The following WASF3 variants were observed in gnomAD, a reference collection of about 807,000 sequenced individuals.
The protein encoded by WASF3 is actin-binding protein WASF3.
In WASF3, 11 loss-of-function variants were observed where a neutral mutation model predicts 46.6. The ratio of observed to expected loss-of-function variants is 0.24; its 90% confidence interval spans 0.15 to 0.39. The LOEUF (loss-of-function observed/expected upper bound fraction) is 0.39, where lower values mean the gene tolerates loss of function less well. WASF3 is among the 10% of genes least tolerant of loss of function. The pLI is 1.00. For synonymous variants in WASF3, 242 were observed against 259.7 expected, an observed-to-expected ratio of 0.93 and a Z score of 0.65; for missense variants, 576 against 669.8, an observed-to-expected ratio of 0.86 and a Z score of 1.55.
At chr13:26,660,643 AAG>A (rs774091591) in intron 3 of WASF3, among the ~76,000 whole-genome samples, 11 of 151,620 alleles carry the variant, frequency 7.3e-5, no homozygotes, top group Non-Finnish European at 1.6e-4. Context: ...GGAGCAGGGG[AAG>A]AGGGAGGGTT....
rs146629471 is a variant in WASF3 at position 26,673,209 on chromosome 13, G to T, written c.540+1220G>T. Among the ~76,000 whole-genome samples the T allele has an allele frequency of 8.3e-3, 1,268 of 152,218 alleles. 16 individuals are homozygous for T. Among genetic ancestry groups the T allele is most frequent in the African/African-American group, 0.029 (1,215 of 41,520 alleles). ...GGCCTTCTAGGTTTCCTTTCTCAATGATGCTTTTGGCAAAACTGTTTAATT... is the reference window on the plus strand; with the variant it reads ...GGCCTTCTAGGTTTCCTTTCTCAATTATGCTTTTGGCAAAACTGTTTAATT... On this transcript the variant is annotated intron_variant, in intron 6 of 9. Transcript: ENST00000335327.
At chr13:26,583,478 C>T (rs569518161) in intron 1 of WASF3, among the ~76,000 whole-genome samples, 42 of 152,278 alleles carry the variant, frequency 2.8e-4, no homozygotes, top group African/African-American at 9.1e-4. Context: ...TTAGAGTAGG[C>T]AGAAGTGGGG....
intron 1 of WASF3, chr13:26,577,771 C>T (rs1226803878): frequency 3.1e-6 from 2 of 639,240 alleles, no homozygotes; most frequent in Admixed American, 2.9e-5. Flanking sequence ...AATCTGCAGA[C>T]CTTATTCAGA....
chr13:26,554,088 C>CTTTCT (rs1289008259), upstream of WASF3, among the ~76,000 whole-genome samples: 189 of 27,414 alleles, frequency 6.9e-3, 2 homozygotes, highest in East Asian at 0.014. Flanking sequence ...TCCTTCCTTC[C>CTTTCT]TTCCTTCCTT....
At chr13:26,608,061 C>G (rs1480208018) in intron 1 of WASF3, among the ~76,000 whole-genome samples, 1 of 127,168 alleles carries the variant, frequency 7.9e-6, no homozygotes, top group Non-Finnish European at 1.6e-5. Flanking sequence ...CCCCCTTAAA[C>G]TGTGTTGAAC....
chr13:26,617,669 T>A (rs1881176058), intron 2 of WASF3, among the ~76,000 whole-genome samples: 1 of 152,220 alleles, frequency 6.6e-6, no homozygotes, highest in African/African-American at 2.4e-5. Context: ...TCTCATTTTA[T>A]AAGAATTAAA....
At chr13:26,636,050 T>C (rs1001831816) in intron 2 of WASF3, among the ~76,000 whole-genome samples, 4 of 152,244 alleles carry the variant, frequency 2.6e-5, no homozygotes, top group Non-Finnish European at 5.9e-5. Flanking sequence ...TCAGAGCTGT[T>C]AGACAGGGAC....
intron 1 of WASF3, among the ~76,000 whole-genome samples, chr13:26,608,708 A>G (rs1880878674): frequency 6.6e-6 from 1 of 152,204 alleles, no homozygotes; most frequent in African/African-American, 2.4e-5. Context: ...ATCGAAGCTC[A>G]GGTAGTCAAC....
chr13:26,651,693 G>A lies in WASF3; in HGVS notation c.133+9290G>A, dbSNP rs73168059. On this transcript the variant is annotated intron_variant, in intron 3 of 9. Transcript: ENST00000335327. ...CAAGGAGTCCAGACAAAGTAAATAT[G>A]GGATTAAATAGAAAAGGTCATCAAT... 8.9e-3 allele frequency among the ~76,000 whole-genome samples: 1,358 copies of A among 152,250 alleles called. 10 individuals are homozygous for A. The highest frequency in any genetic ancestry group is 0.017 in the Middle Eastern group (5 of 294).
the WASF3 span, among the ~76,000 whole-genome samples, chr13:26,542,496 T>C: frequency 6.6e-6 from 1 of 152,232 alleles, no homozygotes; most frequent in Admixed American, 6.5e-5. Context: ...ACCTCCTACA[T>C]GTCTTGGCAA....
intron 1 of WASF3, among the ~76,000 whole-genome samples, chr13:26,562,637 C>T (rs940046764): frequency 1.3e-5 from 2 of 151,888 alleles, no homozygotes; most frequent in African/African-American, 4.8e-5. Context: ...AGTTAGCCCA[C>T]TAGATAGCGG....
intron 1 of WASF3, among the ~76,000 whole-genome samples, chr13:26,579,015 T>TTTTC (rs1164371601): frequency 6.8e-4 from 89 of 130,952 alleles, no homozygotes; most frequent in Non-Finnish European, 1.3e-3. Flanking sequence ...TTTTTTTTTT[T>TTTTC]TGTGGGTCAG....
rs769013808 is a variant in WASF3, at chr13:26,576,233, A to G, written c.-109+18414A>G. ...CTTTGTAAAATTTTCATTTGAATCT[A>G]TTATTCTCCCTTGGACATCTTAATT... On this transcript the variant is annotated intron_variant, in intron 1 of 9. Coordinates refer to ENST00000335327, the MANE Select transcript of WASF3 (RefSeq NM_006646.6). 6.6e-5 allele frequency among the ~76,000 whole-genome samples: 10 copies of G among 152,018 alleles called. No individual in the cohort carries two copies. In the South Asian group the frequency reaches 1.0e-3, roughly 16 times the overall value.
At chr13:26,659,807 G>A (rs906983473) in intron 3 of WASF3, among the ~76,000 whole-genome samples, 4 of 152,276 alleles carry the variant, frequency 2.6e-5, no homozygotes, top group Admixed American at 6.5e-5. Context: ...CTGGAGCAAC[G>A]GGAAGAATGG....
At chr13:26,656,614 TAAAAA>T (rs1292098545) in intron 3 of WASF3, among the ~76,000 whole-genome samples, 3 of 149,916 alleles carry the variant, frequency 2.0e-5, no homozygotes, top group Non-Finnish European at 4.5e-5. Context: ...TACTAAGAAA[TAAAAA>T]AAAGTCTTAT....
chr13:26,684,087 G>A (rs1436056309), intron 9 of WASF3, among the ~76,000 whole-genome samples: 1 of 152,138 alleles, frequency 6.6e-6, no homozygotes, highest in Non-Finnish European at 1.5e-5. Flanking sequence ...CTGCCTCTGC[G>A]TTTTTCTTGT....
intron 1 of WASF3, among the ~76,000 whole-genome samples, chr13:26,576,647 A>G (rs1252160858): frequency 6.6e-6 from 1 of 152,222 alleles, no homozygotes; most frequent in East Asian, 1.9e-4. Context: ...GTGGTTCCCA[A>G]GTTTTCAGAG....
At chr13:26,680,189 G>A (rs1883184225) in intron 7 of WASF3, 1 of 1,579,814 alleles carries the variant, frequency 6.3e-7, no homozygotes, top group Non-Finnish European at 8.5e-7. Context: ...AAAGAGGACA[G>A]AGTGCCCAGC....
chr13:26,539,748 G>A, the WASF3 span, among the ~76,000 whole-genome samples: 1 of 152,122 alleles, frequency 6.6e-6, no homozygotes, highest in South Asian at 2.1e-4. Flanking sequence ...CAGGTTCCTT[G>A]GTCTTGGTCT....
Sources: allele counts gnomAD v4.1 joint callset (sites outside exome capture counted in the v4.1 genomes callset), GRCh38; gene constraint gnomAD v4.1.1; transcripts MANE v1.5; gene names NCBI Gene and HGNC (gene_info 2026-07-23, HGNC 2026-07-21).